The following BPIFC variants were observed in gnomAD, a reference collection of about 807,000 sequenced individuals.
BPIFC encodes the protein BPI fold-containing family C protein.
BPIFC carries 60 observed loss-of-function variants against 57.6 expected under a neutral mutation model. The ratio of observed to expected loss-of-function variants is 1.04; its 90% confidence interval spans 0.85 to 1.29. The LOEUF is 1.29. Ranked by LOEUF, BPIFC falls within the 50% of genes most tolerant of loss-of-function variation. The pLI, the probability that BPIFC is intolerant of heterozygous loss-of-function variation, is 0.00. For synonymous variants in BPIFC, 243 were observed against 224.5 expected, an observed-to-expected ratio of 1.08 and a Z score of -0.74; for missense variants, 581 against 600.5, an observed-to-expected ratio of 0.97 and a Z score of 0.34.
intron 13 of BPIFC, among the ~76,000 whole-genome samples, chr22:32,423,599 T>TGTGTGTGTGG (rs2145915962): frequency 6.6e-6 from 1 of 151,294 alleles, no homozygotes; most frequent in South Asian, 2.1e-4. Flanking sequence ...TGTGTGTGTG[T>TGTGTGTGTGG]GTGTGTGTTG....
At chr22:32,445,731 A>AAAAAAAAAAAAAT in intron 6 of BPIFC, 33 bp from the exon 7 acceptor site, 1 of 1,532,454 alleles carries the variant, frequency 6.5e-7, no homozygotes, top group South Asian at 1.2e-5. Flanking sequence ...AAAAAAAAAA[A>AAAAAAAAAAAAAT]AAAAGAGGTT....
Position 32,443,454 on chromosome 22 carries a change from C to T in BPIFC, c.595-723G>A, listed in dbSNP as rs181993629. Among the ~76,000 whole-genome samples the T allele has an allele frequency of 4.0e-3, 605 of 152,280 alleles. 4 individuals carry two copies. The highest frequency in any genetic ancestry group is 0.014 in the African/African-American group (577 of 41,554). On this transcript the variant is annotated intron_variant, in intron 7 of 16. Coordinates refer to ENST00000300399, the MANE Select transcript of BPIFC (RefSeq NM_174932.3). ...CTGGGATTACAGGCGTGAGCCACCG[C>T]GCCCGGCCCCAGAGCTAGAGCTTTT...
chr22:32,450,437 T>C (rs1263871612), intron 4 of BPIFC, among the ~76,000 whole-genome samples: 1 of 152,182 alleles, frequency 6.6e-6, no homozygotes, highest in Non-Finnish European at 1.5e-5. Context: ...ATTCCTGTTG[T>C]TAAGCAATGC....
At position 32,445,961 on chromosome 22, in the gene BPIFC, C is replaced by T. The variant is rs778111433; in HGVS notation, c.410G>A (p.Gly137Glu). 1.2e-5 allele frequency: 20 copies of T among 1,613,954 alleles called. No individual in the cohort carries two copies. The highest frequency in any genetic ancestry group is 1.4e-5 in the Non-Finnish European group (17 of 1,180,026). Reference protein sequence around the residue: ...DTGGADLFLSGVYFTGIIILT... With the variant: ...DTGGADLFLSEVYFTGIIILT... Reference sequence around the variant, plus strand: ...GATAATGATACCGGTAAAGTAGACTCCGGAGAGAAACAGATCAGCCCCTCC... The same window carrying T: ...GATAATGATACCGGTAAAGTAGACTTCGGAGAGAAACAGATCAGCCCCTCC... The change falls in exon 6 of 17, where the codon GGA becomes GAA. Residue 137 changes from glycine (G) to glutamate (E), a missense_variant. Coordinates refer to ENST00000300399, the MANE Select transcript of BPIFC (RefSeq NM_174932.3).
chr22:32,446,933 T>C (rs1934746202), intron 5 of BPIFC: 1 of 506,328 alleles, frequency 2.0e-6, no homozygotes, highest in Non-Finnish European at 2.5e-6. Flanking sequence ...ATGTTGAGCA[T>C]GCATCTGTTT....
chr22:32,424,647 CTTCT>C (rs1933966774), intron 13 of BPIFC, among the ~76,000 whole-genome samples: 8 of 44,686 alleles, frequency 1.8e-4, no homozygotes, highest in Admixed American at 4.8e-4. Flanking sequence ...TTCTTCTCTT[CTTCT>C]TCTTCTTCTT....
In BPIFC at chr22:32,415,964, GA is replaced by G; in HGVS notation, c.1351del (p.Ser451ProfsTer21). 1 of 1,594,794 alleles carries G rather than the reference GA, an allele frequency of 6.3e-7. No individual in the cohort carries two copies. Among genetic ancestry groups the G allele is most frequent in the Non-Finnish European group, 8.5e-7 (1 of 1,172,560 alleles). ...GACGAATAAGAATTTGTGTGGATTGGACAGAGGAAATCCTTGCTGCAATTTT... is the reference window on the plus strand; with the variant it reads ...GACGAATAAGAATTTGTGTGGATTGGCAGAGGAAATCCTTGCTGCAATTTT... ...NAKLQQGFPL[S>X]NPHKFLFVNS... On this transcript the variant is annotated frameshift_variant, in exon 16 of 17. Transcript: ENST00000300399. LOFTEE classifies it low-confidence loss of function (END_TRUNC).
chr22:32,421,181 G>A (rs1933837391), intron 13 of BPIFC, among the ~76,000 whole-genome samples: 1 of 152,174 alleles, frequency 6.6e-6, no homozygotes, highest in South Asian at 2.1e-4. Flanking sequence ...CAAGGTCAAC[G>A]TTGTCTGTTT....
chr22:32,461,017 C>G (rs1935148264), intron 2 of BPIFC, among the ~76,000 whole-genome samples: 1 of 152,162 alleles, frequency 6.6e-6, no homozygotes, highest in African/African-American at 2.4e-5. Context: ...TATTTGTGTA[C>G]TAGTAAACTG....
Position 32,433,640 on chromosome 22 carries a change from A to G in BPIFC, c.978+79T>C, listed in dbSNP as rs1307886352. On this transcript the variant is annotated intron_variant, in intron 11 of 16. Coordinates refer to ENST00000300399, the MANE Select transcript of BPIFC (RefSeq NM_174932.3). ...CAGAGGGACTTATCCAAAAAGGAAT[A>G]CGTAGAACCCACAAGTCTTCCAGAA... 19 of 1,275,570 alleles carry G rather than the reference A, an allele frequency of 1.5e-5. No homozygotes were observed. The East Asian group carries it at 4.2e-4, about 28-fold the overall frequency. The allele number at this position is 1,275,570 out of a possible 1,614,324, so 79.0% of individuals were successfully genotyped here. A position where few individuals can be genotyped will look rare whatever the true frequency, so the allele number is the denominator to read the frequency against.
chr22:32,432,834 G>A lies in BPIFC; in HGVS notation c.979-291C>T, dbSNP rs1751691127. Among the ~76,000 whole-genome samples the A allele has an allele frequency of 3.9e-5, 6 of 152,280 alleles. No homozygotes were observed. In the South Asian group the frequency reaches 1.2e-3, roughly 32 times the overall value. On this transcript the variant is annotated intron_variant, in intron 11 of 16. Coordinates refer to ENST00000300399, the MANE Select transcript of BPIFC (RefSeq NM_174932.3). ...TCTATCAGCATCCCTGTTTCATAGT[G>A]GAGAACGTGAGTCTTACAGAGGTTA...
chr22:32,446,898 T>C (rs1934744837), intron 5 of BPIFC: 1 of 742,906 alleles, frequency 1.3e-6, no homozygotes, highest in Non-Finnish European at 1.6e-6. Flanking sequence ...CTCAAGATCA[T>C]GCAGTGATTT....
At chr22:32,446,306 G>A (rs1352252121) in intron 5 of BPIFC, among the ~76,000 whole-genome samples, 1 of 152,178 alleles carries the variant, frequency 6.6e-6, no homozygotes, top group African/African-American at 2.4e-5. Context: ...TTTGTTTGGG[G>A]AGAGAAAAGA....
intron 5 of BPIFC, 41 bp from the exon 6 acceptor site, chr22:32,446,037 C>T (rs1233657477): frequency 6.2e-7 from 1 of 1,603,666 alleles, no homozygotes; most frequent in East Asian, 2.2e-5. Flanking sequence ...CTGAGTCAGG[C>T]ACAGAGATGG....
At chr22:32,463,583 C>T (rs375445513) in intron 1 of BPIFC, among the ~76,000 whole-genome samples, 2 of 152,220 alleles carry the variant, frequency 1.3e-5, no homozygotes, top group African/African-American at 2.4e-5. Context: ...CTGGAAAAAC[C>T]GATTAAGGGA....
rs1482742601 is a variant in BPIFC, at chr22:32,453,490, T to G, written c.138A>C (p.Gly46=). The G allele has an allele frequency of 5.0e-6, 8 of 1,599,624 alleles. No individual in the cohort carries two copies. The highest frequency in any genetic ancestry group is 6.8e-6 in the Non-Finnish European group (8 of 1,175,772). The change falls in exon 4 of 17, where the codon GGA becomes GGC. Residue 46 remains glycine (G), a synonymous_variant. Transcript: ENST00000300399. Reference sequence around the variant, plus strand: ...TTAGCATTTGCTCAATCATCTTCATTCCAGCTTGAACACCTGTGAAGGAAA... The same window carrying G: ...TTAGCATTTGCTCAATCATCTTCATGCCAGCTTGAACACCTGTGAAGGAAA... ...QRALDYGVQA[G]MKMIEQMLKE...
intron 13 of BPIFC, among the ~76,000 whole-genome samples, chr22:32,424,642 C>CTCTTCTACT (rs1933964039): frequency 7.0e-5 from 2 of 28,754 alleles, no homozygotes; most frequent in Non-Finnish European, 1.1e-4. Flanking sequence ...TCTTCTTCTT[C>CTCTTCTACT]TCTTCTTCTT....
chr22:32,440,074 C>T (rs1174791886), intron 8 of BPIFC, among the ~76,000 whole-genome samples: 1 of 152,076 alleles, frequency 6.6e-6, no homozygotes, highest in Non-Finnish European at 1.5e-5. Flanking sequence ...TCTTGTTTTC[C>T]TTCCCTACAT....
chr22:32,429,806 C>T (rs1027652796), intron 13 of BPIFC, among the ~76,000 whole-genome samples: 5 of 152,024 alleles, frequency 3.3e-5, no homozygotes, highest in African/African-American at 7.2e-5. Context: ...TGAGCGACCG[C>T]GCCTGGCCAT....
Sources: gnomAD v4.1 joint callset for allele counts (sites outside exome capture counted in the v4.1 genomes callset) on GRCh38, gnomAD v4.1.1 for gene constraint, MANE v1.5 for transcripts, NCBI Gene and HGNC (gene_info 2026-07-23, HGNC 2026-07-21) for gene names.